Variants in AOAH observed in about 807,000 individuals in gnomAD.
AOAH encodes acyloxyacyl hydrolase.
In AOAH, 64 loss-of-function variants were observed where a neutral mutation model predicts 92.2. The ratio of observed to expected loss-of-function variants is 0.69; its 90% CI spans 0.57 to 0.86. The LOEUF (loss-of-function observed/expected upper bound fraction) is 0.86. Ranked by LOEUF, AOAH falls within the 40% of genes least tolerant of loss-of-function variation. The pLI is 0.00. For synonymous variants in AOAH, 263 were observed against 254.5 expected (o/e 1.03, Z -0.32); for missense variants, 656 against 694.6 (o/e 0.94, Z 0.62).
intron 20 of AOAH, chr7:36,514,700 C>CT: frequency 1.3e-6 from 1 of 748,946 alleles, no homozygotes; most frequent in East Asian, 2.7e-5. Context: ...AATGTGATTG[C>CT]TGAAGGCCTG....
Position 36,576,450 on chromosome 7 carries a change from G to A in AOAH, c.1021+124C>T, listed in dbSNP as rs903737007. The A allele has an allele frequency of 4.6e-5, 28 of 611,340 alleles. 3 individuals carry two copies. Among genetic ancestry groups the A allele is most frequent in the Middle Eastern group, 2.8e-4 (1 of 3,594 alleles). 37.9% of individuals were successfully genotyped at this position (611,340 alleles called of 1,614,324 possible). ...TCTTTCAGAAAGGGCAATGGCATTG[G>A]AAGGGAGACCGTTCATTTTATTCTG... On this transcript the variant is annotated intron_variant, in intron 13 of 20. Transcript: ENST00000617537.
chr7:36,684,649 C>T (rs1796853604), intron 2 of AOAH, among the ~76,000 whole-genome samples: 1 of 151,958 alleles, frequency 6.6e-6, no homozygotes, highest in Non-Finnish European at 1.5e-5. Flanking sequence ...CACAGTGGCT[C>T]ACAACACACC....
chr7:36,568,366 C>T (rs1787859822), intron 13 of AOAH, among the ~76,000 whole-genome samples: 1 of 152,182 alleles, frequency 6.6e-6, no homozygotes, highest in Non-Finnish European at 1.5e-5. Flanking sequence ...TGGCCTTTAG[C>T]TCAAAATAAT....
At chr7:36,621,849 A>T (rs1449570523) in intron 7 of AOAH, 69 bp from the exon 8 acceptor site, 1 of 1,411,560 alleles carries the variant, frequency 7.1e-7, no homozygotes, top group Non-Finnish European at 1.0e-6. Context: ...AAGGCTAATC[A>T]GAGTTGTCTG....
intron 1 of AOAH, among the ~76,000 whole-genome samples, chr7:36,697,748 G>A (rs935148822): frequency 3.9e-5 from 6 of 152,174 alleles, no homozygotes; most frequent in Admixed American, 1.3e-4. Context: ...TCTTGTAGAT[G>A]TATTAGTTAA....
intron 5 of AOAH, 152 bp from the exon 6 acceptor site, chr7:36,632,258 TC>T: frequency 1.5e-6 from 1 of 660,776 alleles, no homozygotes; most frequent in Non-Finnish European, 2.6e-6. Flanking sequence ...CTTGTTCCTG[TC>T]CCCACCATCC....
intron 4 of AOAH, among the ~76,000 whole-genome samples, chr7:36,656,406 C>T (rs944043868): frequency 2.6e-5 from 4 of 152,096 alleles, no homozygotes; most frequent in African/African-American, 9.7e-5. Flanking sequence ...CATGAGAATT[C>T]CTTCTGGAGG....
At chr7:36,517,819 T>A (rs1234060411) in intron 20 of AOAH, among the ~76,000 whole-genome samples, 8 of 151,830 alleles carry the variant, frequency 5.3e-5, no homozygotes, top group Admixed American at 1.3e-4. Context: ...CAGGCTGGTC[T>A]CGAACTCCTA....
intron 3 of AOAH, among the ~76,000 whole-genome samples, chr7:36,669,865 A>G (rs1272088530): frequency 6.6e-6 from 1 of 152,214 alleles, no homozygotes; most frequent in Non-Finnish European, 1.5e-5. Context: ...AGAAGCATAA[A>G]TAGATACCAG....
At chr7:36,518,763 G>A (rs986526405) in intron 20 of AOAH, among the ~76,000 whole-genome samples, 1 of 152,228 alleles carries the variant, frequency 6.6e-6, no homozygotes, top group Admixed American at 6.5e-5. Flanking sequence ...AGTAAAGCCA[G>A]AAGCGGTTTC....
chr7:36,552,624 C>T lies in AOAH; in HGVS notation c.1022-3149G>A, dbSNP rs146273492. ...AACTAATTTACATTCCCACCAACAG[C>T]GTAAAAGCATTCCTATTTCTCCACA... On this transcript the variant is annotated intron_variant, in intron 13 of 20. Transcript: ENST00000617537. 7.9e-3 allele frequency among the ~76,000 whole-genome samples: 1,202 copies of T among 152,246 alleles called. 14 individuals carry two copies. The highest frequency in any genetic ancestry group is 0.028 in the African/African-American group (1,150 of 41,538).
At chr7:36,677,074 AC>A (rs1796295928) in intron 2 of AOAH, among the ~76,000 whole-genome samples, 1 of 152,160 alleles carries the variant, frequency 6.6e-6, no homozygotes, top group Admixed American at 6.5e-5. Flanking sequence ...GAAAAAAAAA[AC>A]AGAGAAACTT....
At chr7:36,548,490 T>C in intron 15 of AOAH, 122 bp downstream of exon 15, 1 of 844,418 alleles carries the variant, frequency 1.2e-6, no homozygotes, top group East Asian at 2.9e-5. Context: ...CCGGCCGTGC[T>C]TCTAAGATAG....
Position 36,574,255 on chromosome 7 carries a change from A to T in AOAH, c.1021+2319T>A, listed in dbSNP as rs533579580. 1.1e-4 allele frequency among the ~76,000 whole-genome samples: 17 copies of T among 152,300 alleles called. No individual in the cohort carries two copies. The South Asian group carries it at 3.3e-3, about 30-fold the overall frequency. ...TGCAAATTCAAAGAAAAGGAAGAAA[A>T]TATCCCCTATTCCCCGGCATCTATT... On this transcript the variant is annotated intron_variant, in intron 13 of 20. Coordinates refer to ENST00000617537, the MANE Select transcript of AOAH (RefSeq NM_001637.4).
At chr7:36,523,764 C>T (rs1340203080) in intron 19 of AOAH, among the ~76,000 whole-genome samples, 3 of 150,910 alleles carry the variant, frequency 2.0e-5, no homozygotes, top group African/African-American at 2.4e-5. Context: ...CTGCTGGCTG[C>T]GATGCTGGCC....
intron 3 of AOAH, among the ~76,000 whole-genome samples, chr7:36,665,912 C>T (rs1028658901): frequency 1.3e-4 from 20 of 152,048 alleles, no homozygotes; most frequent in African/African-American, 3.4e-4. Flanking sequence ...CTAGTTGTAG[C>T]GTATAATTCT....
At chr7:36,663,364 AT>A (rs1477166411) in intron 3 of AOAH, among the ~76,000 whole-genome samples, 1 of 152,188 alleles carries the variant, frequency 6.6e-6, no homozygotes, top group Non-Finnish European at 1.5e-5. Context: ...TTGGTGTTGT[AT>A]ACTCTATGGG....
At chr7:36,631,289 G>T (rs1338201877) in intron 6 of AOAH, among the ~76,000 whole-genome samples, 1 of 151,614 alleles carries the variant, frequency 6.6e-6, no homozygotes, top group Non-Finnish European at 1.5e-5. Flanking sequence ...AGAGGTTGCA[G>T]TGAGCCATGA....
At chr7:36,681,575 C>T (rs550987191) in intron 2 of AOAH, among the ~76,000 whole-genome samples, 11 of 152,172 alleles carry the variant, frequency 7.2e-5, no homozygotes, top group Middle Eastern at 3.4e-3. Flanking sequence ...GAGGCCGAGG[C>T]GGGCAGATCA....
Sources: gnomAD v4.1 joint callset for allele counts (sites outside exome capture counted in the v4.1 genomes callset) on GRCh38, gnomAD v4.1.1 for gene constraint, MANE v1.5 for transcripts, NCBI Gene and HGNC (gene_info 2026-07-23, HGNC 2026-07-21) for gene names.